PLSCR1: variants seen among roughly 807,000 people sequenced by gnomAD.
PLSCR1 encodes PL scramblase 1.
A neutral mutation model predicts 37.8 loss-of-function variants in PLSCR1; 17 were observed. The observed-to-expected ratio is 0.45, with a 90% confidence interval of 0.31 to 0.68. The LOEUF (loss-of-function observed/expected upper bound fraction) is 0.68. PLSCR1 is among the 30% of genes least tolerant of loss of function. The probability of loss-of-function intolerance (pLI) is 0.06; values close to 1 mark genes in which losing one functional copy is unlikely to be tolerated. For missense variants in PLSCR1, 347 were observed against 380.9 expected, an observed-to-expected ratio of 0.91 and a Z score of 0.74; for synonymous variants, 116 against 125.9, an observed-to-expected ratio of 0.92 and a Z score of 0.53.
intron 4 of PLSCR1, among the ~76,000 whole-genome samples, chr3:146,526,822 A>T (rs1245892047): frequency 6.6e-6 from 1 of 152,160 alleles, no homozygotes; most frequent in Non-Finnish European, 1.5e-5. Context: ...CATACATGGA[A>T]GCTTAAAAAA....
rs1480032049 is a variant in PLSCR1, at chr3:146,526,722, G to A, written c.313-1075C>T. 2.6e-5 allele frequency among the ~76,000 whole-genome samples: 4 copies of A among 152,126 alleles called. 1 individual carries two copies. Among genetic ancestry groups the A allele is most frequent in the Admixed American group, 2.6e-4 (4 of 15,280 alleles). On this transcript the variant is annotated intron_variant, in intron 4 of 8. Transcript: ENST00000342435. ...CAGCCATAAAAATGAATGAAATCCTGTCATTGGCAGCAACATGGATGAGCC... is the reference window on the plus strand; with the variant it reads ...CAGCCATAAAAATGAATGAAATCCTATCATTGGCAGCAACATGGATGAGCC...
chr3:146,529,698 A>G (rs2044170066), intron 3 of PLSCR1, among the ~76,000 whole-genome samples: 1 of 152,020 alleles, frequency 6.6e-6, no homozygotes, highest in Admixed American at 6.6e-5. Flanking sequence ...ATTTTTTAGT[A>G]GAGACGGGGT....
intron 7 of PLSCR1, chr3:146,520,267 A>AT (rs1296145097): frequency 2.0e-5 from 3 of 152,126 alleles, no homozygotes; most frequent in Non-Finnish European, 4.4e-5. Flanking sequence ...TGAAACATAA[A>AT]TTTTTTAGTA....
At chr3:146,541,964 G>A (rs2044343207) in intron 1 of PLSCR1, among the ~76,000 whole-genome samples, 1 of 152,148 alleles carries the variant, frequency 6.6e-6, no homozygotes, top group Non-Finnish European at 1.5e-5. Context: ...ACCCTCACAA[G>A]ATGCTGGTGC....
chr3:146,538,922 A>C (rs1188517609), intron 1 of PLSCR1, among the ~76,000 whole-genome samples: 1 of 152,194 alleles, frequency 6.6e-6, no homozygotes, highest in African/African-American at 2.4e-5. Context: ...TCATAAACCC[A>C]TGCTATGCAT....
At chr3:146,539,489 C>T (rs1275723575) in intron 1 of PLSCR1, among the ~76,000 whole-genome samples, 1 of 152,174 alleles carries the variant, frequency 6.6e-6, no homozygotes, top group Non-Finnish European at 1.5e-5. Context: ...GGTGGAGGAT[C>T]TTCAGCAGGG....
chr3:146,540,480 T>C (rs1274381523), intron 1 of PLSCR1, among the ~76,000 whole-genome samples: 1 of 152,186 alleles, frequency 6.6e-6, no homozygotes, highest in African/African-American at 2.4e-5. Context: ...ACCCATCTCT[T>C]GAGGTCCTGA....
At chr3:146,537,740 T>G (rs953756353) in intron 1 of PLSCR1, among the ~76,000 whole-genome samples, 1 of 152,046 alleles carries the variant, frequency 6.6e-6, no homozygotes, top group Non-Finnish European at 1.5e-5. Context: ...CATGGTGGCA[T>G]GCGCTTGTAG....
chr3:146,525,158 G>T (rs1228892131), intron 5 of PLSCR1, among the ~76,000 whole-genome samples: 2 of 152,126 alleles, frequency 1.3e-5, no homozygotes, highest in Admixed American at 6.5e-5. Flanking sequence ...GTATACAAAG[G>T]TTTTATAGGG....
At chr3:146,527,639 TTA>T (rs1446997726) in intron 4 of PLSCR1, among the ~76,000 whole-genome samples, 1 of 152,210 alleles carries the variant, frequency 6.6e-6, no homozygotes, top group Non-Finnish European at 1.5e-5. Flanking sequence ...TTTATGTATT[TTA>T]TGAGACTCTG....
Position 146,517,110 on chromosome 3 carries a change from T to A in PLSCR1, c.796A>T (p.Ile266Phe). 2 of 1,601,330 alleles carry A rather than the reference T, an allele frequency of 1.2e-6. No homozygotes were observed. Among genetic ancestry groups the A allele is most frequent in the Non-Finnish European group, 1.7e-6 (2 of 1,173,174 alleles). The change falls in exon 8 of 9, where the codon ATT (isoleucine) becomes TTT (phenylalanine). Residue 266 changes from isoleucine (I) to phenylalanine (F), a missense_variant. Ile to Phe is a conservative substitution (Grantham distance 21, BLOSUM62 0). Transcript: ENST00000342435. ...GCGTCTGTAAATGCCTCTCTCAAAA[T>A]TCCAGTCCAGTGCTTGGAAATTTTG... is the stretch of plus-strand genomic sequence containing the variant. ...VGKISKHWTG[I>F]LREAFTDADN...
intron 3 of PLSCR1, among the ~76,000 whole-genome samples, chr3:146,531,241 G>C (rs1175467686): frequency 6.6e-6 from 1 of 152,148 alleles, no homozygotes; most frequent in East Asian, 1.9e-4. Context: ...ACTAACATAG[G>C]CCTTTAAAAA....
chr3:146,529,341 CT>C (rs1390999745), intron 3 of PLSCR1, among the ~76,000 whole-genome samples: 4 of 152,020 alleles, frequency 2.6e-5, no homozygotes, highest in Non-Finnish European at 5.9e-5. Flanking sequence ...GATCTGCAGA[CT>C]TTTTTTGGTC....
rs2043943909 is a variant in PLSCR1, at chr3:146,516,200, CA to C, written c.901-100del. On this transcript the variant is annotated intron_variant, in intron 8 of 8. Transcript: ENST00000342435. ...TAAGGGATCTAGTGAAACACAGTAACAAATCTGTTAAAAAAATTAAATGTAA... is the reference window on the plus strand; with the variant it reads ...TAAGGGATCTAGTGAAACACAGTAACAATCTGTTAAAAAAATTAAATGTAA... The C allele has an allele frequency of 7.8e-6, 5 of 640,768 alleles. No individual in the cohort carries two copies. The South Asian group carries it at 1.1e-4, about 14-fold the overall frequency. 39.7% of individuals were successfully genotyped at this position (640,768 alleles called of 1,614,324 possible).
intron 6 of PLSCR1, 62 bp downstream of exon 6, chr3:146,521,771 A>G: frequency 1.9e-6 from 3 of 1,572,134 alleles, no homozygotes; most frequent in Non-Finnish European, 2.6e-6. Flanking sequence ...GAAAGGTTCA[A>G]TGACAGGGCA....
chr3:146,516,466 A>T (rs1162902446), intron 8 of PLSCR1: 1,955 of 195,030 alleles, frequency 0.01, 42 homozygotes, highest in African/African-American at 0.044. Flanking sequence ...GAACTGAGGT[A>T]TGGACTAGTC....
intron 8 of PLSCR1, 45 bp downstream of exon 8, chr3:146,516,961 C>A: frequency 8.4e-7 from 1 of 1,189,744 alleles, no homozygotes; most frequent in Non-Finnish European, 1.2e-6. Context: ...TCAGAATGAA[C>A]CTAGAGAAAG....
chr3:146,528,586 T>TA, intron 4 of PLSCR1, 28 bp downstream of exon 4: 3 of 1,551,722 alleles, frequency 1.9e-6, no homozygotes, highest in African/African-American at 2.7e-5. Context: ...TTCTGTTTTT[T>TA]ATGAGTATTT....
chr3:146,536,432 A>G, intron 2 of PLSCR1, 108 bp downstream of exon 2: 1 of 684,172 alleles, frequency 1.5e-6, no homozygotes, highest in South Asian at 1.8e-5. Flanking sequence ...ACAACAGAAA[A>G]CAAATTATAC....
Sources: gnomAD v4.1 joint callset for allele counts (sites outside exome capture counted in the v4.1 genomes callset) on GRCh38, gnomAD v4.1.1 for gene constraint, MANE v1.5 for transcripts, NCBI Gene and HGNC (gene_info 2026-07-23, HGNC 2026-07-21) for gene names.